The following ANKFN1 variants were observed in gnomAD, a reference collection of about 807,000 sequenced individuals.
The protein encoded by ANKFN1 is ankyrin repeat and fibronectin type-III domain-containing protein 1.
A neutral mutation model predicts 108.7 loss-of-function variants in ANKFN1; 74 were observed. The ratio of observed to expected loss-of-function variants is 0.68; its 90% confidence interval spans 0.56 to 0.83. The LOEUF (loss-of-function observed/expected upper bound fraction) is 0.83, where lower values mean the gene tolerates loss of function less well. Ranked by LOEUF, ANKFN1 falls within the 40% of genes least tolerant of loss-of-function variation. The probability of loss-of-function intolerance (pLI) is 0.00; values close to 1 mark genes in which losing one functional copy is unlikely to be tolerated. For missense variants in ANKFN1, 1,505 were observed against 1,382.3 expected (o/e 1.09, Z -1.41); for synonymous variants, 547 against 516.2 (o/e 1.06, Z -0.81).
At chr17:56,443,920 C>T (rs1183075041) in intron 10 of ANKFN1, among the ~76,000 whole-genome samples, 1 of 152,178 alleles carries the variant, frequency 6.6e-6, no homozygotes, top group Non-Finnish European at 1.5e-5. Context: ...AGAGTAAAAA[C>T]TGCTAACATC....
chr17:56,269,501 T>G (rs2043737521), intron 3 of ANKFN1, among the ~76,000 whole-genome samples: 2 of 152,184 alleles, frequency 1.3e-5, no homozygotes. Context: ...TCATGTAAGT[T>G]TCTGAATGGT....
chr17:56,229,689 G>C (rs1259324421), intron 3 of ANKFN1, among the ~76,000 whole-genome samples: 1 of 111,586 alleles, frequency 9.0e-6, no homozygotes, highest in Non-Finnish European at 1.8e-5. Context: ...AAAAAAAAAA[G>C]GGGGGTTGGG....
chr17:56,464,349 G>C (rs72835507), intron 14 of ANKFN1, among the ~76,000 whole-genome samples: 1 of 152,078 alleles, frequency 6.6e-6, no homozygotes, highest in South Asian at 2.1e-4. Context: ...ATTTTCCGGC[G>C]TCTTAATGAT....
rs200299207 is a variant in ANKFN1, at chr17:56,415,027, G to GA, written c.911-25291dup. 4.7e-3 allele frequency among the ~76,000 whole-genome samples: 701 copies of GA among 148,248 alleles called. 2 individuals carry two copies. The highest frequency in any genetic ancestry group is 7.5e-3 in the Non-Finnish European group (502 of 66,766). ...AGAGTGAGACTCTGTCTCAAAAAAA[G>GA]AAAAAAAAACCCTCAAAAAATTGGG... On this transcript the variant is annotated intron_variant, in intron 8 of 20. Transcript: ENST00000682825.
At chr17:56,442,821 G>A in intron 9 of ANKFN1, 22 bp from the exon 10 acceptor site, 1 of 1,605,186 alleles carries the variant, frequency 6.2e-7, no homozygotes. Context: ...AATGCCTGAT[G>A]CATCATTTCA....
At chr17:56,221,767 G>A (rs1180520212) in intron 2 of ANKFN1, among the ~76,000 whole-genome samples, 2 of 152,202 alleles carry the variant, frequency 1.3e-5, no homozygotes, top group Non-Finnish European at 1.5e-5. Context: ...CAGTACAGGA[G>A]TCCCCAACAC....
chr17:56,160,883 C>T (rs1033697930), intron 1 of ANKFN1, among the ~76,000 whole-genome samples: 5 of 152,132 alleles, frequency 3.3e-5, no homozygotes, highest in African/African-American at 1.2e-4. Flanking sequence ...AAGTTCTAAA[C>T]CCAGGAGAAG....
At chr17:56,448,543 C>T (rs897018246) in intron 10 of ANKFN1, among the ~76,000 whole-genome samples, 10 of 152,168 alleles carry the variant, frequency 6.6e-5, no homozygotes, top group African/African-American at 2.4e-4. Context: ...TTCATTAGAG[C>T]AAAATGTAGA....
At chr17:56,438,567 A>G (rs1313793329) in intron 8 of ANKFN1, among the ~76,000 whole-genome samples, 2 of 151,904 alleles carry the variant, frequency 1.3e-5, no homozygotes, top group African/African-American at 4.8e-5. Context: ...TAGTAAAAGG[A>G]TTTTTTTTCT....
chr17:56,350,069 C>T (rs981238522), intron 4 of ANKFN1, among the ~76,000 whole-genome samples: 2 of 152,136 alleles, frequency 1.3e-5, no homozygotes, highest in South Asian at 2.1e-4. Flanking sequence ...GTGAGGACCT[C>T]GTTAGAGATT....
intron 18 of ANKFN1, among the ~76,000 whole-genome samples, chr17:56,489,274 T>C (rs571030045): frequency 6.6e-6 from 1 of 152,296 alleles, no homozygotes; most frequent in East Asian, 1.9e-4. Flanking sequence ...CTAATGACAT[T>C]ATTGTAGCCT....
At chr17:56,208,314 C>T (rs1488791281) in intron 1 of ANKFN1, among the ~76,000 whole-genome samples, 1 of 152,232 alleles carries the variant, frequency 6.6e-6, no homozygotes, top group Non-Finnish European at 1.5e-5. Flanking sequence ...AGCCACCATA[C>T]CCGGCCGTTA....
intron 3 of ANKFN1, among the ~76,000 whole-genome samples, chr17:56,321,578 G>A (rs2045368715): frequency 2.0e-5 from 3 of 152,036 alleles, no homozygotes; most frequent in Admixed American, 2.0e-4. Flanking sequence ...ACTAACCACA[G>A]GGCAGACATG....
chr17:56,167,946 G>A (rs1434833282), intron 1 of ANKFN1, among the ~76,000 whole-genome samples: 1 of 152,136 alleles, frequency 6.6e-6, no homozygotes, highest in African/African-American at 2.4e-5. Flanking sequence ...AAAGAGAGGG[G>A]AACCAGATGT....
At chr17:56,325,508 G>GA (rs2045491698) in intron 3 of ANKFN1, among the ~76,000 whole-genome samples, 1 of 152,218 alleles carries the variant, frequency 6.6e-6, no homozygotes, top group African/African-American at 2.4e-5. Context: ...GTCTGGCATA[G>GA]AAGCAGCACT....
At chr17:56,083,939 C>A (rs950925538) in intron 4 of ANKFN1, among the ~76,000 whole-genome samples, 2 of 151,096 alleles carry the variant, frequency 1.3e-5, no homozygotes, top group African/African-American at 4.9e-5. Context: ...AGAAAGGATT[C>A]AAAGTAAAAT....
At chr17:56,353,022 A>C (rs1286297310) in intron 5 of ANKFN1, among the ~76,000 whole-genome samples, 1 of 152,166 alleles carries the variant, frequency 6.6e-6, no homozygotes, top group Non-Finnish European at 1.5e-5. Flanking sequence ...CATAACTGCT[A>C]CCTGTGCTAA....
At chr17:56,152,226 G>A (rs1344016567), upstream of ANKFN1, among the ~76,000 whole-genome samples, 2 of 149,450 alleles carry the variant, frequency 1.3e-5, no homozygotes, top group African/African-American at 5.0e-5. Context: ...AATATAAGAA[G>A]CTCACCATCT....
intron 8 of ANKFN1, among the ~76,000 whole-genome samples, chr17:56,399,094 T>TG (rs1349105616): frequency 6.6e-6 from 1 of 152,168 alleles, no homozygotes. Context: ...AGAAGGCTAC[T>TG]GGGCTACCAT....
Sources: gnomAD v4.1 joint callset for allele counts (sites outside exome capture counted in the v4.1 genomes callset) on GRCh38, gnomAD v4.1.1 for gene constraint, MANE v1.5 for transcripts, NCBI Gene and HGNC (gene_info 2026-07-23, HGNC 2026-07-21) for gene names.